Variants in SDR16C5 observed in about 807,000 individuals in gnomAD.
SDR16C5 encodes epidermal retinol dehydrogenase 2.
SDR16C5 carries 20 observed loss-of-function variants against 27.7 expected under a neutral mutation model. The ratio of observed to expected loss-of-function variants is 0.72; its 90% CI spans 0.51 to 1.05. The LOEUF (loss-of-function observed/expected upper bound fraction) is 1.05. SDR16C5 is among the 50% of genes least tolerant of loss of function. The pLI, the probability that SDR16C5 is intolerant of heterozygous loss-of-function variation, is 0.00. For synonymous variants in SDR16C5, 139 were observed against 132.3 expected, an observed-to-expected ratio of 1.05 and a Z score of -0.35; for missense variants, 374 against 366.3, an observed-to-expected ratio of 1.02 and a Z score of -0.17.
rs1814748418 is a variant in SDR16C5, at chr8:56,301,334, T to C, written c.*146A>G. ...GCAACATTATTTTCAAACACATTGA[T>C]TGAAAATTCTAGTCCAGATAACAGA... On this transcript the variant is annotated 3_prime_UTR_variant, in exon 7 of 7. Coordinates refer to ENST00000303749, the MANE Select transcript of SDR16C5 (RefSeq NM_138969.4). The C allele has an allele frequency of 3.5e-6, 2 of 567,508 alleles. No homozygotes were observed. Among genetic ancestry groups the C allele is most frequent in the South Asian group, 6.3e-5 (2 of 31,600 alleles). The allele number at this position is 567,508 out of a possible 1,614,324, so 35.2% of individuals were successfully genotyped here. A position where few individuals can be genotyped will look rare whatever the true frequency, so the allele number is the denominator to read the frequency against.
rs916676337 is a variant in SDR16C5, at chr8:56,301,259, T to C, written c.*221A>G. On this transcript the variant is annotated 3_prime_UTR_variant, in exon 7 of 7. Transcript: ENST00000303749. The stretch of plus-strand genomic sequence containing the variant: ...GACAAAAATGGGCTGTCTTTATTTT[T>C]GGAAAAAAAAAGAAAAAGAAAAAAC... 1 of 437,846 alleles carries C rather than the reference T, an allele frequency of 2.3e-6. No individual in the cohort carries two copies. Among genetic ancestry groups the C allele is most frequent in the Non-Finnish European group, 4.1e-6 (1 of 243,784 alleles). 27.1% of individuals were successfully genotyped at this position (437,846 alleles called of 1,614,324 possible).
At chr8:56,302,314 C>T (rs138624200) in intron 6 of SDR16C5, among the ~76,000 whole-genome samples, 2 of 152,334 alleles carry the variant, frequency 1.3e-5, no homozygotes, top group East Asian at 3.9e-4. Context: ...CCCACAGCTT[C>T]AAGTCTCTGG....
chr8:56,318,677 A>G (rs1371235488), intron 1 of SDR16C5, among the ~76,000 whole-genome samples: 1 of 152,224 alleles, frequency 6.6e-6, no homozygotes, highest in African/African-American at 2.4e-5. Context: ...GACCTGGGTG[A>G]CATGAACGCT....
chr8:56,316,333 C>A lies in SDR16C5; in HGVS notation c.15G>T (p.Leu5=). ...AAATGAACAGTTTCTTTGATGATTGCAGGTTGAAAGACATGTTCTGGCTGA... is the reference window on the plus strand; with the variant it reads ...AAATGAACAGTTTCTTTGATGATTGAAGGTTGAAAGACATGTTCTGGCTGA... MSFN[L]QSSKKLFIFL... is the part of the protein sequence containing the mutation. The change falls in exon 2 of 7, where the codon CTG becomes CTT. Residue 5 remains leucine, a synonymous_variant. Transcript: ENST00000303749. 1 of 1,612,498 alleles carries A rather than the reference C, an allele frequency of 6.2e-7. No individual in the cohort carries two copies. Among genetic ancestry groups the A allele is most frequent in the South Asian group, 1.1e-5 (1 of 91,016 alleles).
intron 4 of SDR16C5, 69 bp from the exon 5 acceptor site, chr8:56,306,889 A>G: frequency 1.5e-6 from 2 of 1,369,186 alleles, no homozygotes; most frequent in East Asian, 2.4e-5. Flanking sequence ...AGGTTTACCC[A>G]TAACGCTAAC....
In SDR16C5 at chr8:56,301,350, A is replaced by G. The variant is rs1814748823; in HGVS notation, c.*130T>C. 1 of 588,440 alleles carries G rather than the reference A, an allele frequency of 1.7e-6. No homozygotes were observed. Among genetic ancestry groups the G allele is most frequent in the African/African-American group, 1.8e-5 (1 of 54,656 alleles). The allele number at this position is 588,440 out of a possible 1,614,324, so 36.5% of individuals were successfully genotyped here. ...ACACATTGATTGAAAATTCTAGTCC[A>G]GATAACAGAATAGGAGTGGTACTTG... On this transcript the variant is annotated 3_prime_UTR_variant, in exon 7 of 7. Coordinates refer to ENST00000303749, the MANE Select transcript of SDR16C5 (RefSeq NM_138969.4).
At chr8:56,308,049 T>C (rs1814931314) in intron 4 of SDR16C5, among the ~76,000 whole-genome samples, 1 of 152,016 alleles carries the variant, frequency 6.6e-6, no homozygotes, top group Admixed American at 6.6e-5. Flanking sequence ...GGAAGGGAAG[T>C]CCTGGGTCAT....
In SDR16C5 at chr8:56,317,353, A is replaced by ACATCC. The variant is rs200566436; in HGVS notation, c.-14-997_-14-993dup. On this transcript the variant is annotated intron_variant, in intron 1 of 6. Coordinates refer to ENST00000303749, the MANE Select transcript of SDR16C5 (RefSeq NM_138969.4). ...CAAACTCATACAGAGCTTAGTGCTTACATCCTGCTACCAGTTACTCACACT... is the reference window on the plus strand; with the variant it reads ...CAAACTCATACAGAGCTTAGTGCTTACATCCCATCCTGCTACCAGTTACTCACACT... 5.2e-3 allele frequency among the ~76,000 whole-genome samples: 797 copies of ACATCC among 152,242 alleles called. 11 individuals are homozygous for ACATCC. The highest frequency in any genetic ancestry group is 0.018 in the African/African-American group (730 of 41,530).
rs888787803 is a variant in SDR16C5 at position 56,309,238 on chromosome 8, T to C, written c.466-211A>G. 2.3e-5 allele frequency: 20 copies of C among 875,386 alleles called. No homozygotes were observed. In the Admixed American group the frequency reaches 1.1e-3, roughly 49 times the overall value. 54.2% of individuals were successfully genotyped at this position (875,386 alleles called of 1,614,324 possible). A position where few individuals can be genotyped will look rare whatever the true frequency, so the allele number is the denominator to read the frequency against. ...GTTTTTTATGGCAATTCCAGTATTA[T>C]TAAAATAATTTATTCAGACTTATGT... On this transcript the variant is annotated intron_variant, in intron 3 of 6. Coordinates refer to ENST00000303749, the MANE Select transcript of SDR16C5 (RefSeq NM_138969.4).
In SDR16C5 at chr8:56,316,223, A is replaced by G; in HGVS notation, c.125T>C (p.Ile42Thr). Residue 42 changes from isoleucine to threonine, a missense_variant, in exon 2 of 7, where the codon ATA becomes ACA. Transcript: ENST00000303749. The part of the protein sequence containing the change: ...PKPRKNVAGE[I>T]VLITGAGSGL... ...ACTTCCAGCACCTGTGATGAGGACTATTTCACCAGCAACGTTCTTCCGTGG... is the reference window on the plus strand; with the variant it reads ...ACTTCCAGCACCTGTGATGAGGACTGTTTCACCAGCAACGTTCTTCCGTGG... The G allele has an allele frequency of 1.2e-6, 2 of 1,614,092 alleles. No homozygotes were observed. The highest frequency in any genetic ancestry group is 1.7e-6 in the Non-Finnish European group (2 of 1,179,952).
At chr8:56,305,248 A>G (rs1046114787) in intron 6 of SDR16C5, among the ~76,000 whole-genome samples, 1 of 152,206 alleles carries the variant, frequency 6.6e-6, no homozygotes, top group African/African-American at 2.4e-5. Context: ...CATGGATACA[A>G]TATCTATTCC....
chr8:56,308,703 A>G (rs1814947041), intron 4 of SDR16C5, among the ~76,000 whole-genome samples: 1 of 152,040 alleles, frequency 6.6e-6, no homozygotes, highest in African/African-American at 2.4e-5. Context: ...AACACAGGGT[A>G]CTGCATAAGA....
At chr8:56,303,103 C>T (rs966569860) in intron 6 of SDR16C5, among the ~76,000 whole-genome samples, 1 of 151,962 alleles carries the variant, frequency 6.6e-6, no homozygotes, top group African/African-American at 2.4e-5. Flanking sequence ...GACCTGAGGT[C>T]GAGAGTTCAA....
At position 56,312,181 on chromosome 8, in the gene SDR16C5, A is replaced by G. The variant is rs558157136; in HGVS notation, c.441T>C (p.Asp147=). Residue 147 remains aspartate, a synonymous_variant, in exon 3 of 7, where the codon GAT becomes GAC. Coordinates refer to ENST00000303749, the MANE Select transcript of SDR16C5 (RefSeq NM_138969.4). ...CCCATAAATGTGCTTTGAAATTCAC[A>G]TCAAATGACTTTTCCATAAGCTCAT... is the stretch of plus-strand genomic sequence containing the variant. The part of the protein sequence containing the change: ...CPDELMEKSF[D]VNFKAHLWTY... The G allele has an allele frequency of 5.0e-6, 8 of 1,612,982 alleles. No homozygotes were observed. The highest frequency in any genetic ancestry group is 4.2e-6 in the Non-Finnish European group (5 of 1,179,052).
chr8:56,319,269 A>C (rs919536790), intron 1 of SDR16C5, among the ~76,000 whole-genome samples: 1 of 152,150 alleles, frequency 6.6e-6, no homozygotes, highest in Admixed American at 6.6e-5. Flanking sequence ...CCCCATAATA[A>C]TGTGGCACAG....
intron 3 of SDR16C5, 49 bp from the exon 4 acceptor site, chr8:56,309,076 T>C (rs1242431484): frequency 3.6e-6 from 5 of 1,380,630 alleles, no homozygotes; most frequent in Non-Finnish European, 5.0e-6. Flanking sequence ...CATTGTATAA[T>C]TTTCTCAGAT....
In SDR16C5 at chr8:56,308,930, G is replaced by C; in HGVS notation, c.563C>G (p.Ala188Gly). ...SAGLSGVNGL[A>G]DYCASKFAAF... The stretch of plus-strand genomic sequence containing the variant: ...GTAAATTGCTATGTTTTTCTTACCT[G>C]CCAGCCCATTTACTCCACTTAATCC... Residue 188 changes from alanine to glycine, a missense_variant and splice_region_variant, in exon 4 of 7, where the codon GCA becomes GGA. Ala to Gly is a moderately conservative substitution (Grantham distance 60). Coordinates refer to ENST00000303749, the MANE Select transcript of SDR16C5 (RefSeq NM_138969.4). 2 of 1,604,890 alleles carry C rather than the reference G, an allele frequency of 1.2e-6. No individual in the cohort carries two copies. The highest frequency in any genetic ancestry group is 8.5e-7 in the Non-Finnish European group (1 of 1,175,976).
At chr8:56,307,566 G>C in intron 4 of SDR16C5, among the ~76,000 whole-genome samples, 1 of 152,254 alleles carries the variant, frequency 6.6e-6, no homozygotes, top group Admixed American at 6.5e-5. Flanking sequence ...TTACGGTGCA[G>C]CTACTGCAAC....
chr8:56,304,480 T>C (rs949044862), intron 6 of SDR16C5, among the ~76,000 whole-genome samples: 5 of 151,840 alleles, frequency 3.3e-5, no homozygotes, highest in South Asian at 2.1e-4. Context: ...TCAGTGCCTA[T>C]GAATTTCAGC....
Sources: gnomAD v4.1 joint callset for allele counts (sites outside exome capture counted in the v4.1 genomes callset) on GRCh38, gnomAD v4.1.1 for gene constraint, MANE v1.5 for transcripts, NCBI Gene and HGNC (gene_info 2026-07-23, HGNC 2026-07-21) for gene names.